Variants in AKAP6 observed in about 807,000 individuals in gnomAD.
AKAP6 encodes the protein A-kinase anchoring protein 6.
Under a neutral mutation model 188.5 loss-of-function variants are expected in AKAP6, and 58 were observed. The ratio of observed to expected loss-of-function variants is 0.31; its 90% confidence interval spans 0.25 to 0.38. The LOEUF (loss-of-function observed/expected upper bound fraction) is 0.38, where lower values mean the gene tolerates loss of function less well. Among genes scored for constraint, AKAP6 ranks in the 10% least tolerant of loss-of-function variants. The pLI is 1.00. For synonymous variants in AKAP6, 989 were observed against 998.6 expected, an observed-to-expected ratio of 0.99 and a Z score of 0.18; for missense variants, 2,710 against 2,740.0, an observed-to-expected ratio of 0.99 and a Z score of 0.24.
Position 32,794,875 on chromosome 14 carries a change from C to G in AKAP6, c.3588+20982C>G, listed in dbSNP as rs192298627. 4.0e-3 allele frequency among the ~76,000 whole-genome samples: 602 copies of G among 151,520 alleles called. 8 individuals carry two copies. The highest frequency in any genetic ancestry group is 0.014 in the African/African-American group (577 of 41,390). ...CAAGAGCTATTTTTTTTTAAATTAA[C>G]AAAAGAGACCACTAGCTAGACTAAT... is the stretch of plus-strand genomic sequence containing the variant. On this transcript the variant is annotated intron_variant, in intron 12 of 13. Coordinates refer to ENST00000280979, the MANE Select transcript of AKAP6 (RefSeq NM_004274.5).
At chr14:32,755,873 T>C (rs915608697) in intron 11 of AKAP6, among the ~76,000 whole-genome samples, 2 of 152,248 alleles carry the variant, frequency 1.3e-5, no homozygotes, top group African/African-American at 4.8e-5. Context: ...TTATTTTGTT[T>C]GTTTGGTACT....
At chr14:32,637,786 T>G (rs1887567788) in intron 7 of AKAP6, among the ~76,000 whole-genome samples, 1 of 151,982 alleles carries the variant, frequency 6.6e-6, no homozygotes, top group African/African-American at 2.4e-5. Flanking sequence ...GAGTTTACAT[T>G]CTAGATATGG....
At chr14:32,553,558 A>G (rs753052850) in intron 4 of AKAP6, among the ~76,000 whole-genome samples, 6 of 152,082 alleles carry the variant, frequency 3.9e-5, no homozygotes, top group Admixed American at 6.6e-5. Context: ...ATACTCAGTA[A>G]ATCCCCCTCT....
chr14:32,487,031 T>A (rs751960439), intron 2 of AKAP6, among the ~76,000 whole-genome samples: 12 of 152,194 alleles, frequency 7.9e-5, no homozygotes, highest in Non-Finnish European at 1.8e-4. Context: ...CATGAAGTGG[T>A]GTTGAATTTT....
intron 9 of AKAP6, among the ~76,000 whole-genome samples, chr14:32,727,638 AGGTGTCATT>A (rs2030937947): frequency 6.6e-6 from 1 of 152,240 alleles, no homozygotes; most frequent in East Asian, 1.9e-4. Flanking sequence ...TCTTAACCTC[AGGTGTCATT>A]TGCTGTGCGA....
At chr14:32,368,335 C>T (rs1484692132) in intron 1 of AKAP6, among the ~76,000 whole-genome samples, 2 of 152,144 alleles carry the variant, frequency 1.3e-5, no homozygotes, top group Non-Finnish European at 2.9e-5. Flanking sequence ...AGGTGGTAGA[C>T]ATTGTACTGG....
chr14:32,502,672 A>G (rs1880663353), intron 2 of AKAP6, among the ~76,000 whole-genome samples: 1 of 152,042 alleles, frequency 6.6e-6, no homozygotes, highest in Admixed American at 6.6e-5. Flanking sequence ...AAATGTGAAT[A>G]TATATTCTTA....
At chr14:32,553,082 C>T (rs1044961811) in intron 4 of AKAP6, among the ~76,000 whole-genome samples, 2 of 151,936 alleles carry the variant, frequency 1.3e-5, no homozygotes, top group Non-Finnish European at 2.9e-5. Context: ...TCAGTCCCCA[C>T]CCCTCACATT....
At chr14:32,583,236 G>C (rs1039621446) in intron 5 of AKAP6, among the ~76,000 whole-genome samples, 28 of 152,320 alleles carry the variant, frequency 1.8e-4, no homozygotes, top group African/African-American at 6.7e-4. Flanking sequence ...AGGTCTGTTG[G>C]AGTTTGCTAG....
At position 32,546,015 on chromosome 14, in the gene AKAP6, G is replaced by C. The variant is rs769031091; in HGVS notation, c.1362G>C (p.Gln454His). 2 of 1,614,152 alleles carry C rather than the reference G, an allele frequency of 1.2e-6. No homozygotes were observed. The highest frequency in any genetic ancestry group is 1.7e-6 in the Non-Finnish European group (2 of 1,180,032). The change falls in exon 4 of 14, where the codon CAG becomes CAC. Residue 454 changes from glutamine (Q) to histidine (H), a missense_variant. Gln to His is a conservative substitution (Grantham distance 24). Transcript: ENST00000280979. ...CCAACAGCCCTTCTGCTGCCAGCCA[G>C]TCTTATGAGTGTTTACACAAGGTGG... The part of the protein sequence containing the change: ...SYPNSPSAAS[Q>H]SYECLHKVGN...
At chr14:32,459,487 A>G (rs776644232) in intron 2 of AKAP6, among the ~76,000 whole-genome samples, 63 of 152,150 alleles carry the variant, frequency 4.1e-4, no homozygotes, top group African/African-American at 2.7e-4. Flanking sequence ...ATCTCAAAGA[A>G]AGAAAACAAA....
At chr14:32,462,647 A>C (rs1891368391) in intron 2 of AKAP6, among the ~76,000 whole-genome samples, 1 of 152,138 alleles carries the variant, frequency 6.6e-6, no homozygotes, top group South Asian at 2.1e-4. Context: ...GACCAATTAC[A>C]CTACGAAGAA....
At chr14:32,491,323 G>C (rs1306300011) in intron 2 of AKAP6, among the ~76,000 whole-genome samples, 3 of 152,118 alleles carry the variant, frequency 2.0e-5, no homozygotes, top group Admixed American at 2.0e-4. Flanking sequence ...CATCTCCACT[G>C]CCTTTGCTTA....
chr14:32,738,501 A>G (rs537274846), intron 11 of AKAP6, among the ~76,000 whole-genome samples: 22 of 152,260 alleles, frequency 1.4e-4, no homozygotes, highest in Admixed American at 2.6e-4. Flanking sequence ...AATAATTTAA[A>G]TTTGACCAAG....
chr14:32,377,929 G>C (rs550802401), intron 1 of AKAP6, among the ~76,000 whole-genome samples: 1 of 152,094 alleles, frequency 6.6e-6, no homozygotes, highest in South Asian at 2.1e-4. Context: ...TGTTAAGGTG[G>C]TGGTGGTGGT....
chr14:32,557,757 A>C (rs928989594), intron 4 of AKAP6, among the ~76,000 whole-genome samples: 2 of 152,060 alleles, frequency 1.3e-5, no homozygotes, highest in Non-Finnish European at 2.9e-5. Flanking sequence ...TTTCATTCAC[A>C]GTTGCTAGTC....
chr14:32,341,383 A>C (rs988911886), intron 1 of AKAP6, among the ~76,000 whole-genome samples: 19 of 152,336 alleles, frequency 1.2e-4, no homozygotes, highest in African/African-American at 4.1e-4. Context: ...TGTTGTTGTC[A>C]AAAAATGGCC....
intron 2 of AKAP6, among the ~76,000 whole-genome samples, chr14:32,519,714 C>G (rs1304105809): frequency 2.0e-5 from 3 of 152,114 alleles, no homozygotes; most frequent in Non-Finnish European, 4.4e-5. Flanking sequence ...TAGAGACCTA[C>G]AAAGAGACTT....
chr14:32,659,998 TA>T (rs201386155), intron 7 of AKAP6, among the ~76,000 whole-genome samples: 316 of 151,918 alleles, frequency 2.1e-3, no homozygotes, highest in African/African-American at 7.2e-3. Flanking sequence ...GCATGCTGGT[TA>T]AAAAAAATAT....
Sources: gnomAD v4.1 joint callset for allele counts (sites outside exome capture counted in the v4.1 genomes callset) on GRCh38, gnomAD v4.1.1 for gene constraint, MANE v1.5 for transcripts, NCBI Gene and HGNC (gene_info 2026-07-23, HGNC 2026-07-21) for gene names.